Variants in JPH4 observed in about 807,000 individuals in gnomAD.
JPH4 encodes junctophilin-4.
A neutral mutation model predicts 57.6 loss-of-function variants in JPH4; 18 were observed. The observed-to-expected ratio is 0.31, with a 90% CI of 0.22 to 0.46. The LOEUF (loss-of-function observed/expected upper bound fraction) is 0.46. JPH4 is among the 20% of genes least tolerant of loss of function. The pLI, the probability that JPH4 is intolerant of heterozygous loss-of-function variation, is 1.00. For missense variants in JPH4, 727 were observed against 911.1 expected, an observed-to-expected ratio of 0.80 and a Z score of 2.60; for synonymous variants, 425 against 406.6, an observed-to-expected ratio of 1.05 and a Z score of -0.54.
chr14:23,576,045 C>A lies in JPH4; in HGVS notation c.791G>T (p.Gly264Val). ...STGPPGSEAS[G>V]PPAAAPPALI... The stretch of plus-strand genomic sequence containing the variant: ...GGCGGGCGGCGCTGCGGCCGGGGGC[C>A]CGCTGGCCTCCGAGCCGGGCGGTCC... Residue 264 changes from glycine (G) to valine (V), a missense_variant, in exon 3 of 6, where the codon GGG (glycine) becomes GTG (valine). By Grantham distance (109) the Gly-to-Val change is moderately radical (BLOSUM62 -3). Around this residue, in one of 7 missense-constraint regions of JPH4, gnomAD observed 131 missense variants for 156.5 expected, o/e 0.84. Transcript: ENST00000356300. The surrounding 1 kb of genome is among the most constrained non-coding windows in gnomAD (Gnocchi z 8.0). 1 of 1,321,170 alleles carries A rather than the reference C, an allele frequency of 7.6e-7. No individual in the cohort carries two copies. The highest frequency in any genetic ancestry group is 9.6e-7 in the Non-Finnish European group (1 of 1,041,094). 81.8% of individuals were successfully genotyped at this position (1,321,170 alleles called of 1,614,324 possible).
rs149767449 is a variant in JPH4, at chr14:23,575,124, A to G, written c.1151+561T>C. Reference sequence around the variant, plus strand: ...TCAAACCTCCCATCAGTTGGGTAAAAGAAGGCAGAGGGGGCAAAACTGGGA... The same window carrying G: ...TCAAACCTCCCATCAGTTGGGTAAAGGAAGGCAGAGGGGGCAAAACTGGGA... On this transcript the variant is annotated intron_variant, in intron 3 of 5. Coordinates refer to ENST00000356300, the MANE Select transcript of JPH4 (RefSeq NM_001146028.2). This position sits in a 1 kb window ranked among gnomAD's most constrained non-coding sequence, Gnocchi z 6.9. 20 of 153,966 alleles carry G rather than the reference A, an allele frequency of 1.3e-4. No homozygotes were observed. The East Asian group carries it at 3.6e-3, about 28-fold the overall frequency. The allele number at this position is 153,966 out of a possible 1,614,324, so 9.5% of individuals were successfully genotyped here.
At chr14:23,573,547 T>C (rs999630658) in intron 3 of JPH4, among the ~76,000 whole-genome samples, 1 of 152,188 alleles carries the variant, frequency 6.6e-6, no homozygotes, top group African/African-American at 2.4e-5. Context: ...ATGAAGAGTA[T>C]GGATGATCAA....
rs1033990635 is a variant in JPH4, at chr14:23,570,834, A to G, written c.1803+94T>C. On this transcript the variant is annotated intron_variant, in intron 5 of 5. Transcript: ENST00000356300. The stretch of plus-strand genomic sequence containing the variant: ...GGCCAGGCAGAGGAAGCCGAGTGAG[A>G]TAAAAAGCCCCCCCGGTGATCAGAC... The G allele has an allele frequency of 2.9e-4, 378 of 1,282,566 alleles. 1 individual carries two copies. The highest frequency in any genetic ancestry group is 3.5e-4 in the Non-Finnish European group (346 of 981,600). The allele number at this position is 1,282,566 out of a possible 1,614,324, so 79.4% of individuals were successfully genotyped here.
rs1004103972 is a variant in JPH4 at position 23,571,228 on chromosome 14, C to G, written c.1503G>C (p.Gly501=). The change falls in exon 5 of 6, where the codon GGG becomes GGC. Residue 501 remains glycine (G), a synonymous_variant. Coordinates refer to ENST00000356300, the MANE Select transcript of JPH4 (RefSeq NM_001146028.2). The surrounding 1 kb of genome is among the most constrained non-coding windows in gnomAD (Gnocchi z 4.6). The part of the protein sequence containing the change: ...SPKAWPEEWG[G]AGAQAEELAG... Reference sequence around the variant, plus strand: ...CTAGTTCCTCTGCCTGTGCGCCTGCCCCCCCCCACTCCTCAGGCCAAGCTT... The same window carrying G: ...CTAGTTCCTCTGCCTGTGCGCCTGCGCCCCCCCACTCCTCAGGCCAAGCTT... The G allele has an allele frequency of 1.9e-6, 3 of 1,611,994 alleles. No homozygotes were observed. The highest frequency in any genetic ancestry group is 2.2e-5 in the South Asian group (2 of 90,818).
At position 23,575,822 on chromosome 14, in the gene JPH4, C is replaced by A. The variant is rs779562655; in HGVS notation, c.1014G>T (p.Val338=). ...GGAGACTGCGGACGCGCCCGCCGTG[C>A]ACCAGCCGGTTGCGCTTGTACTTGC... ...EEGKYKRNRL[V]HGGRVRSLLP... The change falls in exon 3 of 6, where the codon GTG becomes GTT. Residue 338 remains valine, a synonymous_variant. Transcript: ENST00000356300. The surrounding 1 kb of genome is among the most constrained non-coding windows in gnomAD (Gnocchi z 6.9). 2.6e-4 allele frequency: 412 copies of A among 1,584,646 alleles called. 4 individuals carry two copies. The South Asian group carries it at 4.5e-3, about 17-fold the overall frequency.
In JPH4 at chr14:23,575,963, G is replaced by A. The variant is rs202036165; in HGVS notation, c.873C>T (p.Arg291=). The A allele has an allele frequency of 1.9e-3, 2,916 of 1,533,200 alleles. 9 individuals are homozygous for A. Among genetic ancestry groups the A allele is most frequent in the Middle Eastern group, 3.8e-3 (21 of 5,582 alleles). The allele number at this position is 1,533,200 out of a possible 1,614,324, so 95.0% of individuals were successfully genotyped here. ...AGCGCTGGCTGACGCCGAAGCCGCTGCGCCGATCTGCGCGCCACTCGCCCG... is the reference window on the plus strand; with the variant it reads ...AGCGCTGGCTGACGCCGAAGCCGCTACGCCGATCTGCGCGCCACTCGCCCG... ...VYAGEWRADR[R]SGFGVSQRSN... is the part of the protein sequence containing the mutation. The change falls in exon 3 of 6, where the codon CGC becomes CGT. Residue 291 remains arginine (R), a synonymous_variant. Coordinates refer to ENST00000356300, the MANE Select transcript of JPH4 (RefSeq NM_001146028.2). This position sits in a 1 kb window ranked among gnomAD's most constrained non-coding sequence, Gnocchi z 6.9.
chr14:23,574,866 C>G (rs1202661672), intron 3 of JPH4: 2 of 213,058 alleles, frequency 9.4e-6, no homozygotes, highest in Non-Finnish European at 1.8e-5. Context: ...GTTGCCCAGG[C>G]TGGTCTTGAT....
At position 23,577,118 on chromosome 14, in the gene JPH4, G is replaced by T. The variant is rs866772959; in HGVS notation, c.336C>A (p.Asp112Glu). The stretch of plus-strand genomic sequence containing the variant: ...CAGTGCCGTAGCCGTCCTGGAAACC[G>T]TCCTTCCAGAGCCCGGCGTAGCGCA... Reference protein sequence around the residue: ...SGLRYAGLWKDGFQDGYGTET... With the variant: ...SGLRYAGLWKEGFQDGYGTET... The change falls in exon 2 of 6, where the codon GAC becomes GAA. Residue 112 changes from aspartate (D) to glutamate (E), a missense_variant. This residue lies in a region of JPH4 where 90 missense variants were observed against 88.1 expected (regional missense o/e 1.02). Transcript: ENST00000356300. This position sits in a 1 kb window ranked among gnomAD's most constrained non-coding sequence, Gnocchi z 8.4. 3 of 1,564,478 alleles carry T rather than the reference G, an allele frequency of 1.9e-6. No homozygotes were observed. Among genetic ancestry groups the T allele is most frequent in the African/African-American group, 2.7e-5 (2 of 73,508 alleles).
In JPH4 at chr14:23,571,738, A is replaced by G. The variant is rs1889153221; in HGVS notation, c.1270+64T>C. ...TGCAGGGCTTCTCATCTGTTTCCCC[A>G]CACCTGAGCCTCTCTAGCTCCCTAG... On this transcript the variant is annotated intron_variant, in intron 4 of 5. Transcript: ENST00000356300. This position sits in a 1 kb window ranked among gnomAD's most constrained non-coding sequence, Gnocchi z 4.6. 1 of 1,443,662 alleles carries G rather than the reference A, an allele frequency of 6.9e-7. No individual in the cohort carries two copies. Among genetic ancestry groups the G allele is most frequent in the African/African-American group, 1.4e-5 (1 of 70,966 alleles). The allele number at this position is 1,443,662 out of a possible 1,614,324, so 89.4% of individuals were successfully genotyped here. A position where few individuals can be genotyped will look rare whatever the true frequency, so the allele number is the denominator to read the frequency against.
rs1889000749 is a variant in JPH4, at chr14:23,569,320, G to A, written c.*314C>T. 1 of 369,996 alleles carries A rather than the reference G, an allele frequency of 2.7e-6. No homozygotes were observed. The highest frequency in any genetic ancestry group is 6.9e-5 in the East Asian group (1 of 14,502). The allele number at this position is 369,996 out of a possible 1,614,324, so 22.9% of individuals were successfully genotyped here. Reference sequence around the variant, plus strand: ...GGGCGTGGAGCAATGGTCTGACTTAGATTTGTGTGTCTCAGAGAAGACAGC... The same window carrying A: ...GGGCGTGGAGCAATGGTCTGACTTAAATTTGTGTGTCTCAGAGAAGACAGC... On this transcript the variant is annotated 3_prime_UTR_variant, in exon 6 of 6. Transcript: ENST00000356300. The surrounding 1 kb of genome is among the most constrained non-coding windows in gnomAD (Gnocchi z 4.8).
At position 23,568,963 on chromosome 14, in the gene JPH4, G is replaced by C; in HGVS notation, c.*671C>G. 1 of 196,456 alleles carries C rather than the reference G, an allele frequency of 5.1e-6. No individual in the cohort carries two copies. The highest frequency in any genetic ancestry group is 9.2e-6 in the Non-Finnish European group (1 of 108,264). 12.2% of individuals were successfully genotyped at this position (196,456 alleles called of 1,614,324 possible). ...GGCTGGCCGATGAGGAGAAAAAGAG[G>C]GAAATGCTGGGGAGTTACTCTACTT... is the stretch of plus-strand genomic sequence containing the variant. On this transcript the variant is annotated 3_prime_UTR_variant, in exon 6 of 6. Transcript: ENST00000356300.
At chr14:23,573,842 A>G (rs376917298) in intron 3 of JPH4, among the ~76,000 whole-genome samples, 1 of 152,100 alleles carries the variant, frequency 6.6e-6, no homozygotes, top group East Asian at 1.9e-4. Context: ...CTGGGCTCTA[A>G]CATCCAGACT....
Position 23,576,982 on chromosome 14 carries a change from T to TGGGCGCAA in JPH4, c.379+85_379+92dup. ...GGAATGGTGGCGGGGGAAAGAAGGA[T>TGGGCGCAA]GGGCGCAAGGGCGCAAATGGCGGGC... On this transcript the variant is annotated intron_variant, in intron 2 of 5. Coordinates refer to ENST00000356300, the MANE Select transcript of JPH4 (RefSeq NM_001146028.2). This position sits in a 1 kb window ranked among gnomAD's most constrained non-coding sequence, Gnocchi z 8.0. 1 of 1,369,018 alleles carries TGGGCGCAA rather than the reference T, an allele frequency of 7.3e-7. No homozygotes were observed. The highest frequency in any genetic ancestry group is 9.5e-7 in the Non-Finnish European group (1 of 1,051,228). The allele number at this position is 1,369,018 out of a possible 1,614,324, so 84.8% of individuals were successfully genotyped here.
intron 3 of JPH4, 122 bp from the exon 4 acceptor site, chr14:23,572,042 C>G: frequency 1.2e-6 from 1 of 836,440 alleles, no homozygotes; most frequent in Non-Finnish European, 1.9e-6. Context: ...CCTCTGGAGT[C>G]GTCACCCTTC....
Position 23,568,515 on chromosome 14 carries a change from C to A in JPH4, c.*1119G>T. 1.0e-6 allele frequency: 1 copy of A among 985,748 alleles called. No individual in the cohort carries two copies. The highest frequency in any genetic ancestry group is 1.2e-6 in the Non-Finnish European group (1 of 829,984). The allele number at this position is 985,748 out of a possible 1,614,324, so 61.1% of individuals were successfully genotyped here. A position where few individuals can be genotyped will look rare whatever the true frequency, so the allele number is the denominator to read the frequency against. The stretch of plus-strand genomic sequence containing the variant: ...CATGTGAGATCAGCTATCTTTGATC[C>A]CCTCCTTCTGTTGTTTTCCCATTTC... On this transcript the variant is annotated 3_prime_UTR_variant, in exon 6 of 6. Coordinates refer to ENST00000356300, the MANE Select transcript of JPH4 (RefSeq NM_001146028.2).
rs777372195 is a variant in JPH4 at position 23,575,805 on chromosome 14, C to T, written c.1031G>A (p.Arg344His). The T allele has an allele frequency of 6.3e-7, 1 of 1,580,196 alleles. No homozygotes were observed. The highest frequency in any genetic ancestry group is 8.6e-7 in the Non-Finnish European group (1 of 1,165,530). The change falls in exon 3 of 6, where the codon CGC (arginine) becomes CAC (histidine). Residue 344 changes from arginine (R) to histidine (H), a missense_variant. Arg to His is a conservative substitution (Grantham distance 29). This residue lies in a region of JPH4 where 112 missense variants were observed against 199.4 expected (regional missense o/e 0.56). Coordinates refer to ENST00000356300, the MANE Select transcript of JPH4 (RefSeq NM_001146028.2). The surrounding 1 kb of genome is among the most constrained non-coding windows in gnomAD (Gnocchi z 6.9). ...RNRLVHGGRV[R>H]SLLPLALRRG... ...CCGAAGGGCCAGAGGCAGGAGACTG[C>T]GGACGCGCCCGCCGTGCACCAGCCG...
chr14:23,568,867 G>T lies in JPH4; in HGVS notation c.*767C>A. 2 of 898,862 alleles carry T rather than the reference G, an allele frequency of 2.2e-6. No individual in the cohort carries two copies. The highest frequency in any genetic ancestry group is 2.7e-6 in the Non-Finnish European group (2 of 750,616). 55.7% of individuals were successfully genotyped at this position (898,862 alleles called of 1,614,324 possible). ...AAGTCTGGGCAGGGTGGACTTGACT[G>T]CATTGGATATTCTCTGTTCCTTTAC... is the stretch of plus-strand genomic sequence containing the variant. On this transcript the variant is annotated 3_prime_UTR_variant, in exon 6 of 6. Transcript: ENST00000356300.
chr14:23,568,958 AAG>A lies in JPH4; in HGVS notation c.*674_*675del, dbSNP rs1566675243. ...GGAGGGGCTGGCCGATGAGGAGAAA[AAG>A]AGGGAAATGCTGGGGAGTTACTCTA... On this transcript the variant is annotated 3_prime_UTR_variant, in exon 6 of 6. Coordinates refer to ENST00000356300, the MANE Select transcript of JPH4 (RefSeq NM_001146028.2). The A allele has an allele frequency of 1.4e-5, 3 of 214,532 alleles. No homozygotes were observed. The highest frequency in any genetic ancestry group is 2.4e-5 in the African/African-American group (1 of 42,552). 13.3% of individuals were successfully genotyped at this position (214,532 alleles called of 1,614,324 possible). A position where few individuals can be genotyped will look rare whatever the true frequency, so the allele number is the denominator to read the frequency against.
At position 23,576,486 on chromosome 14, in the gene JPH4, G is replaced by T. The variant is rs757885381; in HGVS notation, c.380-30C>A. ...GGGCGGCGGAGGGGTGGGAGAAAGA[G>T]TCAGGACGTGCCGCTGGGCTCCTTG... On this transcript the variant is annotated intron_variant, in intron 2 of 5. Transcript: ENST00000356300. This position sits in a 1 kb window ranked among gnomAD's most constrained non-coding sequence, Gnocchi z 8.0. The T allele has an allele frequency of 8.7e-6, 12 of 1,380,150 alleles. No homozygotes were observed. The highest frequency in any genetic ancestry group is 1.1e-5 in the Non-Finnish European group (12 of 1,074,594). The allele number at this position is 1,380,150 out of a possible 1,614,324, so 85.5% of individuals were successfully genotyped here. A position where few individuals can be genotyped will look rare whatever the true frequency, so the allele number is the denominator to read the frequency against.
Sources: gnomAD v4.1 joint callset for allele counts (sites outside exome capture counted in the v4.1 genomes callset) on GRCh38, gnomAD v4.1.1 for gene constraint, gnomAD v4.1.1 regional missense constraint, Gnocchi (gnomAD v3.1) non-coding constraint, MANE v1.5 for transcripts, NCBI Gene and HGNC (gene_info 2026-07-23, HGNC 2026-07-21) for gene names.